ANKS1A: variants seen among roughly 807,000 people sequenced by gnomAD.
ANKS1A encodes ankyrin repeat and sterile alpha motif domain containing 1A, also known as ankyrin repeat and SAM domain-containing protein 1A.
Under a neutral mutation model 120.3 loss-of-function variants are expected in ANKS1A, and 55 were observed. The ratio of observed to expected loss-of-function variants is 0.46; its 90% CI spans 0.37 to 0.57. The LOEUF (loss-of-function observed/expected upper bound fraction) is 0.57. Ranked by LOEUF, ANKS1A falls within the 20% of genes least tolerant of loss-of-function variation. The pLI is 0.00. For missense variants in ANKS1A, 1,123 were observed against 1,480.3 expected (o/e 0.76, Z 3.96); for synonymous variants, 590 against 604.7 (o/e 0.98, Z 0.36).
At chr6:35,078,504 G>C (rs1178099415) in intron 13 of ANKS1A, 54 bp from the exon 14 acceptor site, 1 of 1,561,642 alleles carries the variant, frequency 6.4e-7, no homozygotes, top group Non-Finnish European at 8.8e-7. Flanking sequence ...ACCCCCTCAG[G>C]GCCACCAGCC....
At chr6:35,027,752 A>G (rs1262070022) in intron 11 of ANKS1A, among the ~76,000 whole-genome samples, 1 of 151,858 alleles carries the variant, frequency 6.6e-6, no homozygotes, top group Non-Finnish European at 1.5e-5. Flanking sequence ...ATGGACGACT[A>G]CCCTCCCTGC....
At chr6:34,951,592 C>T (rs1334749810) in intron 1 of ANKS1A, among the ~76,000 whole-genome samples, 1 of 152,010 alleles carries the variant, frequency 6.6e-6, no homozygotes, top group Admixed American at 6.5e-5. Flanking sequence ...GTATATAGGA[C>T]CTAGACTCTG....
At chr6:34,975,301 A>G (rs764563982) in intron 3 of ANKS1A, among the ~76,000 whole-genome samples, 1 of 152,096 alleles carries the variant, frequency 6.6e-6, no homozygotes, top group Non-Finnish European at 1.5e-5. Context: ...TAAAAATACA[A>G]AAATTAGCTG....
At chr6:35,074,055 A>G (rs1179919751) in intron 13 of ANKS1A, among the ~76,000 whole-genome samples, 5 of 152,252 alleles carry the variant, frequency 3.3e-5, no homozygotes. Flanking sequence ...AAAGCTGCAC[A>G]CAGCCCGCCC....
intron 13 of ANKS1A, among the ~76,000 whole-genome samples, chr6:35,068,190 G>A (rs1229433946): frequency 2.0e-5 from 3 of 152,082 alleles, no homozygotes; most frequent in African/African-American, 4.8e-5. Context: ...CACCGCACCT[G>A]GCCTATTTTC....
chr6:35,007,663 C>T (rs1429085178), intron 10 of ANKS1A, among the ~76,000 whole-genome samples: 1 of 152,196 alleles, frequency 6.6e-6, no homozygotes, highest in African/African-American at 2.4e-5. Context: ...GTAGCATCCA[C>T]TAATAGTGCT....
intron 11 of ANKS1A, among the ~76,000 whole-genome samples, chr6:35,052,475 A>T (rs934495723): frequency 1.3e-5 from 2 of 151,640 alleles, no homozygotes; most frequent in East Asian, 2.0e-4. Flanking sequence ...ATTAAAAAAA[A>T]TAGCAAGGCA....
intron 13 of ANKS1A, among the ~76,000 whole-genome samples, chr6:35,076,432 G>T (rs985153727): frequency 6.6e-6 from 1 of 152,118 alleles, no homozygotes; most frequent in Non-Finnish European, 1.5e-5. Context: ...AAACTCTGAG[G>T]CTATAAGCCA....
At chr6:34,901,113 T>G (rs747249198) in intron 1 of ANKS1A, among the ~76,000 whole-genome samples, 4 of 151,976 alleles carry the variant, frequency 2.6e-5, no homozygotes, top group Non-Finnish European at 4.4e-5. Flanking sequence ...ATAAGCTACA[T>G]AAACTGCCAG....
At chr6:35,083,025 TG>T in intron 18 of ANKS1A, 129 bp from the exon 19 acceptor site, 2 of 1,291,266 alleles carry the variant, frequency 1.5e-6, no homozygotes, top group Non-Finnish European at 1.1e-6. Flanking sequence ...TCTCTCCAGC[TG>T]GGGCAGGAGA....
In ANKS1A at chr6:34,932,973, A is replaced by G. The variant is rs569856386; in HGVS notation, c.198-34266A>G. Among the ~76,000 whole-genome samples, 631 of 152,254 alleles carry G rather than the reference A, an allele frequency of 4.1e-3. 4 individuals are homozygous for G. Among genetic ancestry groups the G allele is most frequent in the African/African-American group, 0.013 (556 of 41,542 alleles). ...CCACCAGAAATGTATGAGTGTTCCA[A>G]TTTCTCCATATACTCACTGACATTT... On this transcript the variant is annotated intron_variant, in intron 1 of 23. Transcript: ENST00000360359.
At chr6:34,907,795 T>C (rs1235423470) in intron 1 of ANKS1A, among the ~76,000 whole-genome samples, 1 of 152,220 alleles carries the variant, frequency 6.6e-6, no homozygotes, top group Non-Finnish European at 1.5e-5. Context: ...GAGGTATAGA[T>C]AGCTTTCTGA....
intron 1 of ANKS1A, among the ~76,000 whole-genome samples, chr6:34,938,881 G>A (rs534279342): frequency 4.6e-5 from 7 of 152,288 alleles, no homozygotes; most frequent in South Asian, 2.1e-4. Context: ...CCACCTACGC[G>A]GACGGCTGAG....
intron 1 of ANKS1A, among the ~76,000 whole-genome samples, chr6:34,921,911 G>T (rs886245544): frequency 1.3e-5 from 2 of 152,062 alleles, no homozygotes; most frequent in African/African-American, 2.4e-5. Context: ...GCCCAGGCTG[G>T]TCTTGAACTC....
chr6:35,001,267 A>G (rs1008929147), intron 10 of ANKS1A, among the ~76,000 whole-genome samples: 8 of 152,258 alleles, frequency 5.3e-5, no homozygotes, highest in South Asian at 2.1e-4. Context: ...TTACTAGAGG[A>G]TGATAGAAGT....
At chr6:34,908,067 G>A (rs1486709631) in intron 1 of ANKS1A, among the ~76,000 whole-genome samples, 1 of 152,088 alleles carries the variant, frequency 6.6e-6, no homozygotes, top group Non-Finnish European at 1.5e-5. Flanking sequence ...TAGTAATGAC[G>A]GCTGCTAATA....
rs1409721592 is a variant in ANKS1A at position 34,991,539 on chromosome 6, T to A, written c.1302+2223T>A. ...CCACATAGCCGGGAAAAAAAAAATA[T>A]ATACACACACACACACACACACACA... On this transcript the variant is annotated intron_variant, in intron 9 of 23. Coordinates refer to ENST00000360359, the MANE Select transcript of ANKS1A (RefSeq NM_015245.3). Among the ~76,000 whole-genome samples the A allele has an allele frequency of 1.2e-4, 10 of 85,110 alleles. No individual in the cohort carries two copies. In the East Asian group the frequency reaches 2.0e-3, roughly 17 times the overall value. 55.8% of individuals were successfully genotyped at this position (85,110 alleles called of 152,430 possible).
chr6:34,973,746 G>A (rs1374816059), intron 3 of ANKS1A, among the ~76,000 whole-genome samples: 1 of 152,196 alleles, frequency 6.6e-6, no homozygotes, highest in African/African-American at 2.4e-5. Context: ...ATTTTGTTCA[G>A]CTGTTGGGTC....
At chr6:35,018,665 A>C (rs1459831936) in intron 11 of ANKS1A, among the ~76,000 whole-genome samples, 1 of 152,044 alleles carries the variant, frequency 6.6e-6, no homozygotes, top group African/African-American at 2.4e-5. Flanking sequence ...AGTACCCAAT[A>C]GTTAGTTTTT....
Sources: allele counts gnomAD v4.1 joint callset (sites outside exome capture counted in the v4.1 genomes callset), GRCh38; gene constraint gnomAD v4.1.1; transcripts MANE v1.5; gene names NCBI Gene and HGNC (gene_info 2026-07-23, HGNC 2026-07-21).